NETO1: variants seen among roughly 807,000 people sequenced by gnomAD.
NETO1 encodes the protein neuropilin and tolloid like 1.
Under a neutral mutation model 61.3 loss-of-function variants are expected in NETO1, and 26 were observed. That is an observed-to-expected ratio of 0.42 (90% confidence interval 0.31 to 0.59). NETO1 has a LOEUF of 0.59. Ranked by LOEUF, NETO1 falls within the 20% of genes least tolerant of loss-of-function variation. The pLI is 0.12. For synonymous variants in NETO1, 225 were observed against 225.8 expected, an observed-to-expected ratio of 1.00 and a Z score of 0.03; for missense variants, 531 against 662.8, an observed-to-expected ratio of 0.80 and a Z score of 2.18.
At chr18:72,791,932 A>G (rs1025794334) in intron 6 of NETO1, among the ~76,000 whole-genome samples, 3 of 152,190 alleles carry the variant, frequency 2.0e-5, no homozygotes, top group Non-Finnish European at 4.4e-5. Flanking sequence ...TAGAAGAAAA[A>G]TAACTGTCTT....
At chr18:72,854,681 TC>T (rs1259887886) in intron 4 of NETO1, among the ~76,000 whole-genome samples, 1 of 152,202 alleles carries the variant, frequency 6.6e-6, no homozygotes, top group Non-Finnish European at 1.5e-5. Context: ...CAAAAGGCAT[TC>T]TTAGTTTGAG....
intron 4 of NETO1, among the ~76,000 whole-genome samples, chr18:72,805,261 A>G (rs2072637157): frequency 6.6e-6 from 1 of 152,200 alleles, no homozygotes; most frequent in Non-Finnish European, 1.5e-5. Context: ...GCACTCCACT[A>G]TAATCTTCAA....
chr18:72,760,645 T>C (rs910139809), intron 7 of NETO1, among the ~76,000 whole-genome samples: 4 of 152,214 alleles, frequency 2.6e-5, no homozygotes, highest in African/African-American at 9.7e-5. Flanking sequence ...ACCTGTAAGT[T>C]GCTCAGTTAC....
intron 4 of NETO1, among the ~76,000 whole-genome samples, chr18:72,802,284 C>A (rs4265912): frequency 0.37 from 56,022 of 151,890 alleles, 11,027 homozygotes; most frequent in East Asian, 0.53. Flanking sequence ...AGACCTTGGT[C>A]GAGAAGCTCA....
At chr18:72,832,282 C>A (rs2073606897) in intron 4 of NETO1, among the ~76,000 whole-genome samples, 1 of 152,100 alleles carries the variant, frequency 6.6e-6, no homozygotes, top group South Asian at 2.1e-4. Context: ...CAACAGCACT[C>A]TAAAAAATTT....
chr18:72,790,795 T>C (rs1176141046), intron 6 of NETO1, among the ~76,000 whole-genome samples: 1 of 152,152 alleles, frequency 6.6e-6, no homozygotes, highest in African/African-American at 2.4e-5. Context: ...ATGTCCTTTT[T>C]TATTTTAAGA....
chr18:72,759,248 C>G (rs188421634), intron 7 of NETO1, among the ~76,000 whole-genome samples: 2 of 152,158 alleles, frequency 1.3e-5, no homozygotes, highest in African/African-American at 4.8e-5. Context: ...CAAATCACAT[C>G]GGAACCCTAT....
At chr18:72,849,464 T>A (rs1240262111) in intron 4 of NETO1, among the ~76,000 whole-genome samples, 1 of 152,208 alleles carries the variant, frequency 6.6e-6, no homozygotes, top group Non-Finnish European at 1.5e-5. Flanking sequence ...TCCTTCTGTG[T>A]CCTTGTGCCA....
intron 4 of NETO1, among the ~76,000 whole-genome samples, chr18:72,841,809 C>T (rs781308368): frequency 5.3e-5 from 8 of 150,010 alleles, no homozygotes; most frequent in Non-Finnish European, 7.4e-5. Flanking sequence ...AATCACAGGT[C>T]CATCTTGCTT....
Position 72,802,013 on chromosome 18 carries a change from C to T in NETO1, c.470-7609G>A, listed in dbSNP as rs9960656. On this transcript the variant is annotated intron_variant, in intron 4 of 10. Transcript: ENST00000327305. ...CTATTCCAAATAAAATCAAACAAACCTGTAAATAAAAATGAAAATATGAGA... is the reference window on the plus strand; with the variant it reads ...CTATTCCAAATAAAATCAAACAAACTTGTAAATAAAAATGAAAATATGAGA... Among the ~76,000 whole-genome samples the T allele has an allele frequency of 9.0e-4, 137 of 151,982 alleles. 1 individual carries two copies. The highest frequency in any genetic ancestry group is 3.0e-3 in the African/African-American group (125 of 41,452).
At chr18:72,748,814 G>T (rs2070492906) in intron 10 of NETO1, among the ~76,000 whole-genome samples, 200 bp downstream of exon 10, 2 of 151,988 alleles carry the variant, frequency 1.3e-5, no homozygotes. Context: ...AGAATACTAA[G>T]ATTTGTTTTA....
chr18:72,808,752 C>T (rs1375669195), intron 4 of NETO1, among the ~76,000 whole-genome samples: 3 of 152,212 alleles, frequency 2.0e-5, no homozygotes, highest in African/African-American at 7.2e-5. Flanking sequence ...ATATTAGACC[C>T]TTCTAAATAG....
chr18:72,846,846 T>C (rs2074105784), intron 4 of NETO1, among the ~76,000 whole-genome samples: 1 of 152,200 alleles, frequency 6.6e-6, no homozygotes, highest in Non-Finnish European at 1.5e-5. Flanking sequence ...TACTTATCAT[T>C]GCCATGGCAA....
intron 4 of NETO1, among the ~76,000 whole-genome samples, chr18:72,811,638 C>G (rs1051601937): frequency 6.6e-6 from 1 of 152,070 alleles, no homozygotes; most frequent in Non-Finnish European, 1.5e-5. Context: ...ACCCACATCT[C>G]TACAAAATAA....
chr18:72,752,502 C>T (rs1321449924), intron 8 of NETO1, among the ~76,000 whole-genome samples: 1 of 152,116 alleles, frequency 6.6e-6, no homozygotes, highest in Non-Finnish European at 1.5e-5. Flanking sequence ...GCCAAGTCTA[C>T]ATTTAGAAAC....
At chr18:72,748,690 T>C (rs2070488827) in intron 10 of NETO1, among the ~76,000 whole-genome samples, 1 of 152,122 alleles carries the variant, frequency 6.6e-6, no homozygotes, top group African/African-American at 2.4e-5. Flanking sequence ...CCTTGGTTTT[T>C]TTCGAGTATT....
intron 7 of NETO1, among the ~76,000 whole-genome samples, chr18:72,782,992 T>C (rs140040114): frequency 0.022 from 3,349 of 152,294 alleles, 63 homozygotes; most frequent in Non-Finnish European, 0.035. Flanking sequence ...AAGGTACTTA[T>C]TTCTTAAATT....
intron 4 of NETO1, among the ~76,000 whole-genome samples, chr18:72,817,491 C>T (rs1438432458): frequency 6.6e-6 from 1 of 152,218 alleles, no homozygotes; most frequent in Non-Finnish European, 1.5e-5. Context: ...GTGTAAGCCA[C>T]TAAATGTTAG....
rs775465270 is a variant in NETO1, at chr18:72,794,150, G to A, written c.606C>T (p.Cys202=). Residue 202 remains cysteine (C), a synonymous_variant, in exon 6 of 11, where the codon TGC becomes TGT. Coordinates refer to ENST00000327305, the MANE Select transcript of NETO1 (RefSeq NM_138966.5). ...GKATASEAVD[C]KWYIRAPPRS... ...GTGGAGGTGCTCGGATGTACCACTT[G>A]CAATCAACAGCCTCGCTAGCAGTAG... 1 of 1,614,184 alleles carries A rather than the reference G, an allele frequency of 6.2e-7. No individual in the cohort carries two copies.
Sources: allele counts gnomAD v4.1 joint callset (sites outside exome capture counted in the v4.1 genomes callset), GRCh38; gene constraint gnomAD v4.1.1; transcripts MANE v1.5; gene names NCBI Gene and HGNC (gene_info 2026-07-23, HGNC 2026-07-21).